Variants in DYNC1I1 observed in about 807,000 individuals in gnomAD.
DYNC1I1 encodes dynein cytoplasmic 1 intermediate chain 1, also known as cytoplasmic dynein 1 intermediate chain 1.
Under a neutral mutation model 86.6 loss-of-function variants are expected in DYNC1I1, and 43 were observed. That is an observed-to-expected ratio of 0.50 (90% CI 0.39 to 0.64). The LOEUF (loss-of-function observed/expected upper bound fraction) is 0.64. Among genes scored for constraint, DYNC1I1 ranks in the 30% least tolerant of loss-of-function variants. The pLI, the probability that DYNC1I1 is intolerant of heterozygous loss-of-function variation, is 0.00. For synonymous variants in DYNC1I1, 262 were observed against 283.7 expected, an observed-to-expected ratio of 0.92 and a Z score of 0.77; for missense variants, 604 against 788.8, an observed-to-expected ratio of 0.77 and a Z score of 2.81.
chr7:95,843,082 A>G (rs1028905985), intron 5 of DYNC1I1, among the ~76,000 whole-genome samples: 2 of 152,166 alleles, frequency 1.3e-5, no homozygotes, highest in South Asian at 2.1e-4. Context: ...CATGTATTCT[A>G]CACATTGCCC....
In DYNC1I1 at chr7:95,916,753, C is replaced by CA. The variant is rs559620410; in HGVS notation, c.490+46761dup. On this transcript the variant is annotated intron_variant, in intron 6 of 16. Transcript: ENST00000447467. ...CCTGTCTTGGATTCCGCACGCTGCA[C>CA]AAAAAATGGCCAGTAGAGGGCGCTG... Among the ~76,000 whole-genome samples the CA allele has an allele frequency of 4.8e-3, 728 of 152,214 alleles. 4 individuals are homozygous for CA. Among genetic ancestry groups the CA allele is most frequent in the Non-Finnish European group, 7.6e-3 (514 of 68,016 alleles).
At position 96,097,609 on chromosome 7, in the gene DYNC1I1, C is replaced by T. The variant is rs1046309305; in HGVS notation, c.*16C>T. 1.2e-6 allele frequency: 2 copies of T among 1,613,066 alleles called. No individual in the cohort carries two copies. Among genetic ancestry groups the T allele is most frequent in the African/African-American group, 1.3e-5 (1 of 74,852 alleles). On this transcript the variant is annotated 3_prime_UTR_variant, in exon 17 of 17. Coordinates refer to ENST00000447467, the MANE Select transcript of DYNC1I1 (RefSeq NM_001135556.2). ...ATCTGCCTAGTGGAAATGAGCCACC[C>T]CCACTGCAGCCCCCACCTTTGTGTC...
intron 14 of DYNC1I1, among the ~76,000 whole-genome samples, chr7:96,051,866 A>G (rs1309216623): frequency 6.6e-6 from 1 of 152,232 alleles, no homozygotes; most frequent in East Asian, 1.9e-4. Flanking sequence ...CTGAGGAAGA[A>G]CATTTGTTAT....
intron 5 of DYNC1I1, among the ~76,000 whole-genome samples, chr7:95,867,462 C>T (rs1478643602): frequency 2.0e-5 from 3 of 152,204 alleles, no homozygotes; most frequent in Non-Finnish European, 4.4e-5. Context: ...CAAAGCAGAA[C>T]TATGAACCCA....
chr7:95,913,156 G>A (rs1490148095), intron 6 of DYNC1I1, among the ~76,000 whole-genome samples: 2 of 152,094 alleles, frequency 1.3e-5, no homozygotes, highest in Non-Finnish European at 2.9e-5. Context: ...CTAGTTCATG[G>A]TTCTATCCTG....
chr7:95,874,098 A>T (rs1233026787), intron 6 of DYNC1I1, among the ~76,000 whole-genome samples: 2 of 152,220 alleles, frequency 1.3e-5, no homozygotes, highest in Non-Finnish European at 2.9e-5. Context: ...GTGTCTTTAA[A>T]TTCTTCATGC....
intron 6 of DYNC1I1, among the ~76,000 whole-genome samples, chr7:95,872,185 C>T (rs1790191080): frequency 6.6e-6 from 1 of 152,174 alleles, no homozygotes; most frequent in Non-Finnish European, 1.5e-5. Flanking sequence ...TGTGGGTTGG[C>T]TCCACTGTGG....
rs1035144950 is a variant in DYNC1I1, at chr7:95,919,235, T to TA, written c.490+49246dup. On this transcript the variant is annotated intron_variant, in intron 6 of 16. Transcript: ENST00000447467. ...GGTTACACTATCCCCCTCACAAAAA[T>TA]AAAAAAAAACTAGACATAATATTTT... 2.3e-3 allele frequency among the ~76,000 whole-genome samples: 351 copies of TA among 151,524 alleles called. 1 individual carries two copies. Among genetic ancestry groups the TA allele is most frequent in the African/African-American group, 7.8e-3 (324 of 41,392 alleles).
intron 6 of DYNC1I1, among the ~76,000 whole-genome samples, chr7:95,935,212 G>A (rs1385688350): frequency 6.6e-6 from 1 of 151,982 alleles, no homozygotes; most frequent in African/African-American, 2.4e-5. Flanking sequence ...CCTCAGGTAA[G>A]TGGAATCATG....
chr7:95,931,785 GAAA>G (rs995914364), intron 6 of DYNC1I1, among the ~76,000 whole-genome samples: 1 of 152,150 alleles, frequency 6.6e-6, no homozygotes, highest in African/African-American at 2.4e-5. Flanking sequence ...GCGCTTTACA[GAAA>G]AATTTTGTTG....
At chr7:95,849,006 C>T (rs1456044322) in intron 5 of DYNC1I1, among the ~76,000 whole-genome samples, 1 of 152,032 alleles carries the variant, frequency 6.6e-6, no homozygotes, top group Non-Finnish European at 1.5e-5. Flanking sequence ...TTCAGATACT[C>T]ATTGACCATC....
chr7:95,803,534 A>G (rs1449236677), intron 1 of DYNC1I1, among the ~76,000 whole-genome samples: 1 of 152,222 alleles, frequency 6.6e-6, no homozygotes, highest in African/African-American at 2.4e-5. Flanking sequence ...CAACTTGTGT[A>G]TTTGTCTGAA....
chr7:95,786,191 C>T (rs533237768), intron 1 of DYNC1I1, among the ~76,000 whole-genome samples: 1 of 152,200 alleles, frequency 6.6e-6, no homozygotes, highest in Admixed American at 6.5e-5. Flanking sequence ...CAAACATTCC[C>T]CTTTCCAACT....
chr7:95,809,747 C>G (rs983982247), intron 2 of DYNC1I1, among the ~76,000 whole-genome samples: 4 of 152,016 alleles, frequency 2.6e-5, no homozygotes, highest in Non-Finnish European at 4.4e-5. Context: ...TTTTGTTTTA[C>G]TATATTTTCT....
intron 10 of DYNC1I1, among the ~76,000 whole-genome samples, chr7:96,007,203 G>A (rs1478204794): frequency 2.6e-5 from 4 of 152,046 alleles, no homozygotes; most frequent in African/African-American, 9.7e-5. Flanking sequence ...AGGAATAATG[G>A]CAAAATAAAT....
At chr7:96,003,987 C>A (rs758899919) in intron 10 of DYNC1I1, among the ~76,000 whole-genome samples, 4 of 152,132 alleles carry the variant, frequency 2.6e-5, no homozygotes, top group African/African-American at 4.8e-5. Flanking sequence ...ACAGAGACTC[C>A]TGGAATAAAT....
intron 6 of DYNC1I1, among the ~76,000 whole-genome samples, chr7:95,941,955 A>C (rs1489182521): frequency 6.6e-6 from 1 of 152,172 alleles, no homozygotes; most frequent in Non-Finnish European, 1.5e-5. Context: ...GCTCACAATT[A>C]AAAGAACTAG....
intron 6 of DYNC1I1, among the ~76,000 whole-genome samples, chr7:95,966,496 T>G (rs1337942570): frequency 1.3e-5 from 2 of 152,196 alleles, no homozygotes; most frequent in East Asian, 3.9e-4. Flanking sequence ...AAACCACAAA[T>G]GTAGATTACA....
intron 4 of DYNC1I1, among the ~76,000 whole-genome samples, chr7:95,820,636 G>C (rs561816371): frequency 4.6e-5 from 7 of 152,264 alleles, no homozygotes; most frequent in African/African-American, 1.7e-4. Context: ...TTGAGTTCCA[G>C]TGCAGTTGCT....
Sources: gnomAD v4.1 joint callset for allele counts (sites outside exome capture counted in the v4.1 genomes callset) on GRCh38, gnomAD v4.1.1 for gene constraint, MANE v1.5 for transcripts, NCBI Gene and HGNC (gene_info 2026-07-23, HGNC 2026-07-21) for gene names.